Variants in PCDH17 observed in about 807,000 individuals in gnomAD.
PCDH17 encodes protocadherin 17.
Under a neutral mutation model 67.7 loss-of-function variants are expected in PCDH17, and 21 were observed. The observed-to-expected ratio is 0.31, with a 90% CI of 0.22 to 0.45. The LOEUF is 0.45. Ranked by LOEUF, PCDH17 falls within the 20% of genes least tolerant of loss-of-function variation. The pLI is 1.00. For missense variants in PCDH17, 1,471 were observed against 1,564.8 expected, an observed-to-expected ratio of 0.94 and a Z score of 1.01; for synonymous variants, 701 against 656.7, an observed-to-expected ratio of 1.07 and a Z score of -1.03.
chr13:57,653,663 TGAG>T (rs1289722888), intron 1 of PCDH17, among the ~76,000 whole-genome samples: 1 of 151,998 alleles, frequency 6.6e-6, no homozygotes, highest in Non-Finnish European at 1.5e-5. Context: ...ATAAAATAGG[TGAG>T]GAAGTATGCG....
chr13:57,633,269 G>T lies in PCDH17; in HGVS notation c.723G>T (p.Pro241=), dbSNP rs776335013. 1.5e-5 allele frequency: 24 copies of T among 1,613,192 alleles called. No homozygotes were observed. The highest frequency in any genetic ancestry group is 1.7e-6 in the Non-Finnish European group (2 of 1,180,018). Residue 241 remains proline, a synonymous_variant, in exon 1 of 4, where the codon CCG becomes CCT. Coordinates refer to ENST00000377918, the MANE Select transcript of PCDH17 (RefSeq NM_001040429.3). This position sits in a 1 kb window ranked among gnomAD's most constrained non-coding sequence, Gnocchi z 6.2. ...VKVIDSNDNS[P]VFEAPSYLVE... ...TGATTGACTCCAACGACAACAGCCCGGTCTTCGAGGCGCCATCCTACTTGG... is the reference window on the plus strand; with the variant it reads ...TGATTGACTCCAACGACAACAGCCCTGTCTTCGAGGCGCCATCCTACTTGG...
intron 3 of PCDH17, among the ~76,000 whole-genome samples, chr13:57,691,573 T>C (rs2030062122): frequency 6.6e-6 from 1 of 151,322 alleles, no homozygotes; most frequent in African/African-American, 2.4e-5. Context: ...TTTTAACATT[T>C]ACATTTTAAT....
chr13:57,686,954 C>G (rs1402049183), intron 3 of PCDH17, among the ~76,000 whole-genome samples: 1 of 151,884 alleles, frequency 6.6e-6, no homozygotes, highest in Non-Finnish European at 1.5e-5. Context: ...ATTTGAAATT[C>G]CAGCATTTTC....
At position 57,694,589 on chromosome 13, in the gene PCDH17, CTT is replaced by C. The variant is rs1285393928; in HGVS notation, c.2797+27757_2797+27758del. ...CAAATTCAATTATTGAATAAACACA[CTT>C]AACACTAGTTTCAGTTGCTAAAATA... On this transcript the variant is annotated intron_variant, in intron 3 of 3. Coordinates refer to ENST00000377918, the MANE Select transcript of PCDH17 (RefSeq NM_001040429.3). Among the ~76,000 whole-genome samples the C allele has an allele frequency of 3.3e-5, 5 of 151,242 alleles. No individual in the cohort carries two copies. The Admixed American group carries it at 3.3e-4, about 10-fold the overall frequency.
At position 57,651,612 on chromosome 13, in the gene PCDH17, A is replaced by G. The variant is rs572697021; in HGVS notation, c.2566-14856A>G. On this transcript the variant is annotated intron_variant, in intron 1 of 3. Coordinates refer to ENST00000377918, the MANE Select transcript of PCDH17 (RefSeq NM_001040429.3). ...CTCAGCCTCTCAAAGTTCTGGGATT[A>G]CAAGTGTGAACCACAATGCCTGGGA... Among the ~76,000 whole-genome samples the G allele has an allele frequency of 4.6e-5, 7 of 152,204 alleles. No individual in the cohort carries two copies. The East Asian group carries it at 7.8e-4, about 17-fold the overall frequency.
intron 1 of PCDH17, among the ~76,000 whole-genome samples, chr13:57,643,649 A>G (rs920915834): frequency 6.6e-6 from 1 of 151,670 alleles, no homozygotes; most frequent in East Asian, 1.9e-4. Context: ...AAGAGCAGTT[A>G]TAAGTCATAC....
chr13:57,636,559 T>C (rs950886981), intron 1 of PCDH17, among the ~76,000 whole-genome samples: 1 of 152,126 alleles, frequency 6.6e-6, no homozygotes, highest in African/African-American at 2.4e-5. Flanking sequence ...AATTGTAGTA[T>C]TAAATCTCAC....
chr13:57,702,568 CA>C (rs1593939371), intron 3 of PCDH17, among the ~76,000 whole-genome samples: 1 of 152,116 alleles, frequency 6.6e-6, no homozygotes, highest in East Asian at 1.9e-4. Flanking sequence ...TTCTAACTGC[CA>C]GACATCATTT....
intron 3 of PCDH17, chr13:57,709,601 A>C (rs1955756446): frequency 6.6e-6 from 1 of 152,090 alleles, no homozygotes; most frequent in Admixed American, 6.6e-5. Flanking sequence ...AAGGATTCAT[A>C]ATTCAGTTGG....
chr13:57,722,457 A>T (rs1348984478), intron 3 of PCDH17, among the ~76,000 whole-genome samples: 1 of 152,316 alleles, frequency 6.6e-6, no homozygotes, highest in Non-Finnish European at 1.5e-5. Context: ...TCTGAAAGAT[A>T]AAATTTGTTG....
At chr13:57,641,390 A>G (rs1593893948) in intron 1 of PCDH17, among the ~76,000 whole-genome samples, 2 of 150,618 alleles carry the variant, frequency 1.3e-5, no homozygotes, top group East Asian at 2.0e-4. Context: ...CAGAAATACT[A>G]AGATCAATAT....
At chr13:57,692,729 AG>A (rs921558124) in intron 3 of PCDH17, among the ~76,000 whole-genome samples, 16 of 151,042 alleles carry the variant, frequency 1.1e-4, no homozygotes, top group African/African-American at 2.9e-4. Context: ...CACCCTTTCA[AG>A]CCTTCCCTTT....
chr13:57,683,182 G>A (rs1322389899), intron 3 of PCDH17, among the ~76,000 whole-genome samples: 4 of 151,838 alleles, frequency 2.6e-5, no homozygotes, highest in Non-Finnish European at 5.9e-5. Context: ...TGGTATTTAA[G>A]AGGGAGTCAT....
At chr13:57,702,317 C>T (rs1212990638) in intron 3 of PCDH17, among the ~76,000 whole-genome samples, 2 of 151,808 alleles carry the variant, frequency 1.3e-5, no homozygotes, top group African/African-American at 4.8e-5. Context: ...TTATATTGTA[C>T]TTTTCTTGAT....
chr13:57,684,098 G>A (rs1955484279), intron 3 of PCDH17, among the ~76,000 whole-genome samples: 1 of 151,836 alleles, frequency 6.6e-6, no homozygotes, highest in Non-Finnish European at 1.5e-5. Flanking sequence ...ACTCTCCAGA[G>A]GCCGGAGTTT....
At chr13:57,692,082 A>G (rs1028798422) in intron 3 of PCDH17, among the ~76,000 whole-genome samples, 12 of 151,134 alleles carry the variant, frequency 7.9e-5, no homozygotes, top group African/African-American at 2.2e-4. Flanking sequence ...ATAATGTTTC[A>G]TGGGGCAGGC....
intron 1 of PCDH17, among the ~76,000 whole-genome samples, chr13:57,637,024 G>A (rs1340915053): frequency 6.6e-6 from 1 of 152,100 alleles, no homozygotes; most frequent in South Asian, 2.1e-4. Context: ...ATTGCACCAT[G>A]CTGTTCTTGA....
chr13:57,682,871 A>G (rs1474848637), intron 3 of PCDH17, among the ~76,000 whole-genome samples: 2 of 152,020 alleles, frequency 1.3e-5, no homozygotes, highest in East Asian at 3.9e-4. Context: ...TTTAAGCCTT[A>G]GGGTAGTTCT....
intron 3 of PCDH17, among the ~76,000 whole-genome samples, chr13:57,671,176 C>G (rs1183225485): frequency 6.6e-6 from 1 of 151,464 alleles, no homozygotes; most frequent in Non-Finnish European, 1.5e-5. Flanking sequence ...TTAAAAAATT[C>G]CAAATATTTT....
Sources: gnomAD v4.1 joint callset for allele counts (sites outside exome capture counted in the v4.1 genomes callset) on GRCh38, gnomAD v4.1.1 for gene constraint, Gnocchi (gnomAD v3.1) non-coding constraint, MANE v1.5 for transcripts, NCBI Gene and HGNC (gene_info 2026-07-23, HGNC 2026-07-21) for gene names.